Variants in TCF7L1 observed in about 807,000 individuals in gnomAD.
The protein encoded by TCF7L1 is transcription factor 7 like 1.
In TCF7L1, 18 loss-of-function variants were observed where a neutral mutation model predicts 63.7. The observed-to-expected ratio is 0.28, with a 90% CI of 0.20 to 0.42. TCF7L1 has a LOEUF of 0.42. TCF7L1 is among the 10% of genes least tolerant of loss of function. The pLI, the probability that TCF7L1 is intolerant of heterozygous loss-of-function variation, is 1.00. For missense variants in TCF7L1, 654 were observed against 779.3 expected (o/e 0.84, Z 1.91); for synonymous variants, 355 against 340.9 (o/e 1.04, Z -0.46).
chr2:85,308,492 T>TCTCTTTCCCTCCCTC (rs1682192566), intron 11 of TCF7L1, among the ~76,000 whole-genome samples: 1 of 32,336 alleles, frequency 3.1e-5, no homozygotes, highest in Non-Finnish European at 5.2e-5. Context: ...CTTCCCTCCC[T>TCTCTTTCCCTCCCTC]TCCCCCCCTC....
rs200621568 is a variant in TCF7L1, at chr2:85,238,648, A to T, written c.442-44847A>T. On this transcript the variant is annotated intron_variant, in intron 3 of 11. Coordinates refer to ENST00000282111, the MANE Select transcript of TCF7L1 (RefSeq NM_031283.3). ...TGGATATCACATTCTGCTGGGGGGA[A>T]ACAGAGAGTGAACAGATGGAAACAC... is the stretch of plus-strand genomic sequence containing the variant. Among the ~76,000 whole-genome samples the T allele has an allele frequency of 3.3e-5, 5 of 151,988 alleles. No individual in the cohort carries two copies. The East Asian group carries it at 9.6e-4, about 29-fold the overall frequency.
chr2:85,164,421 G>A (rs958503626), intron 3 of TCF7L1, among the ~76,000 whole-genome samples: 1 of 152,184 alleles, frequency 6.6e-6, no homozygotes, highest in African/African-American at 2.4e-5. Flanking sequence ...AGAGGATTGT[G>A]AAAACTCTTT....
At chr2:85,179,733 G>A (rs191599026) in intron 3 of TCF7L1, among the ~76,000 whole-genome samples, 14 of 151,310 alleles carry the variant, frequency 9.3e-5, no homozygotes, top group African/African-American at 3.2e-4. Flanking sequence ...GTACGGGGAG[G>A]GCCCTGCTGT....
chr2:85,196,640 G>T (rs1679164429), intron 3 of TCF7L1, among the ~76,000 whole-genome samples: 1 of 152,054 alleles, frequency 6.6e-6, no homozygotes, highest in Non-Finnish European at 1.5e-5. Context: ...AAAGTGCTGG[G>T]ATTACAGGTG....
chr2:85,183,051 T>C (rs537015449), intron 3 of TCF7L1, among the ~76,000 whole-genome samples: 4 of 152,224 alleles, frequency 2.6e-5, no homozygotes, highest in African/African-American at 7.2e-5. Context: ...TCAGACACAA[T>C]GGCCCCACTT....
Position 85,294,026 on chromosome 2 carries a change from A to ATTTT in TCF7L1, c.526-8433_526-8430dup, listed in dbSNP as rs774050758. 4.9e-4 allele frequency among the ~76,000 whole-genome samples: 29 copies of ATTTT among 59,480 alleles called. 4 individuals are homozygous for ATTTT. Among genetic ancestry groups the ATTTT allele is most frequent in the African/African-American group, 1.5e-3 (23 of 15,702 alleles). The allele number at this position is 59,480 out of a possible 152,430, so 39.0% of individuals were successfully genotyped here. A position where few individuals can be genotyped will look rare whatever the true frequency, so the allele number is the denominator to read the frequency against. On this transcript the variant is annotated intron_variant, in intron 4 of 11. Transcript: ENST00000282111. Reference sequence around the variant, plus strand: ...ATTTAGGTGTGGCCTGAACACTGGGATTTTTTTTTTTTTTTTTTTTTTTTT... The same window carrying ATTTT: ...ATTTAGGTGTGGCCTGAACACTGGGATTTTTTTTTTTTTTTTTTTTTTTTTTTTT...
intron 3 of TCF7L1, among the ~76,000 whole-genome samples, chr2:85,170,792 T>C (rs1187477188): frequency 6.6e-6 from 1 of 152,196 alleles, no homozygotes; most frequent in Non-Finnish European, 1.5e-5. Flanking sequence ...GTAGGTGTGA[T>C]GCAGTCTCCC....
chr2:85,276,547 C>T (rs1681275270), intron 3 of TCF7L1, among the ~76,000 whole-genome samples: 1 of 152,218 alleles, frequency 6.6e-6, no homozygotes, highest in South Asian at 2.1e-4. Context: ...GTCTCCCCGT[C>T]TCCATTCTGC....
intron 3 of TCF7L1, among the ~76,000 whole-genome samples, chr2:85,165,558 G>A (rs2104227336): frequency 6.6e-6 from 1 of 152,322 alleles, no homozygotes; most frequent in South Asian, 2.1e-4. Context: ...AAGTTCCAGT[G>A]CCCGAGTGGC....
At chr2:85,159,185 C>T (rs991181994) in intron 3 of TCF7L1, among the ~76,000 whole-genome samples, 2 of 152,136 alleles carry the variant, frequency 1.3e-5, no homozygotes, top group Admixed American at 6.5e-5. Context: ...GGAAACACTT[C>T]CTGGTGTTCC....
At chr2:85,308,028 C>G (rs1047024668) in intron 11 of TCF7L1, among the ~76,000 whole-genome samples, 3 of 152,170 alleles carry the variant, frequency 2.0e-5, no homozygotes, top group Non-Finnish European at 2.9e-5. Flanking sequence ...TTGAAATTGT[C>G]TTTGAAATAC....
intron 3 of TCF7L1, among the ~76,000 whole-genome samples, chr2:85,154,662 T>C (rs1678104412): frequency 6.6e-6 from 1 of 152,188 alleles, no homozygotes; most frequent in South Asian, 2.1e-4. Flanking sequence ...TGTCGGTAAA[T>C]ATGTGGCCTA....
intron 3 of TCF7L1, among the ~76,000 whole-genome samples, chr2:85,182,053 A>G (rs1678815121): frequency 6.6e-6 from 1 of 152,156 alleles, no homozygotes; most frequent in Admixed American, 6.5e-5. Context: ...AAAAGGGAGC[A>G]GCTGGTGGAC....
At chr2:85,174,483 A>G (rs116646324) in intron 3 of TCF7L1, among the ~76,000 whole-genome samples, 127 of 152,232 alleles carry the variant, frequency 8.3e-4, no homozygotes, top group African/African-American at 2.9e-3. Flanking sequence ...AAAAGAGGTG[A>G]TGTTGCCCAC....
At chr2:85,258,361 C>T (rs966519028) in intron 3 of TCF7L1, among the ~76,000 whole-genome samples, 1 of 152,186 alleles carries the variant, frequency 6.6e-6, no homozygotes, top group South Asian at 2.1e-4. Flanking sequence ...GAGAGCCTGC[C>T]TGACTCTTCC....
Position 85,197,387 on chromosome 2 carries a change from C to T in TCF7L1, c.441+62937C>T, listed in dbSNP as rs555201521. Among the ~76,000 whole-genome samples, 10 of 152,172 alleles carry T rather than the reference C, an allele frequency of 6.6e-5. No individual in the cohort carries two copies. In the East Asian group the frequency reaches 1.4e-3, roughly 21 times the overall value. ...TGCACTCTAGCCTGGGCAACAAGAG[C>T]GAAACTCTGTCTCAAAAAATATATA... On this transcript the variant is annotated intron_variant, in intron 3 of 11. Transcript: ENST00000282111.
chr2:85,153,340 A>ATGTTTT (rs750002994), intron 3 of TCF7L1, among the ~76,000 whole-genome samples: 2 of 102,268 alleles, frequency 2.0e-5, no homozygotes, highest in Non-Finnish European at 3.6e-5. Flanking sequence ...GCCTTTATAA[A>ATGTTTT]TTTTTTTTTT....
intron 3 of TCF7L1, among the ~76,000 whole-genome samples, chr2:85,180,854 G>A (rs906235926): frequency 1.3e-5 from 2 of 152,166 alleles, no homozygotes; most frequent in African/African-American, 4.8e-5. Context: ...ATGATGTGCC[G>A]AGCATCTCAC....
chr2:85,264,775 G>T (rs1054029212), intron 3 of TCF7L1, among the ~76,000 whole-genome samples: 9 of 152,306 alleles, frequency 5.9e-5, no homozygotes, highest in Admixed American at 3.3e-4. Context: ...TGATTGGAGA[G>T]TTGGGGGAAT....
Sources: gnomAD v4.1 joint callset for allele counts (sites outside exome capture counted in the v4.1 genomes callset) on GRCh38, gnomAD v4.1.1 for gene constraint, MANE v1.5 for transcripts, NCBI Gene and HGNC (gene_info 2026-07-23, HGNC 2026-07-21) for gene names.